CNTLN: variants seen among roughly 807,000 people sequenced by gnomAD.
CNTLN encodes the protein centlein, centrosomal protein.
Under a neutral mutation model 180.0 loss-of-function variants are expected in CNTLN, and 212 were observed. The ratio of observed to expected loss-of-function variants is 1.18; its 90% CI spans 1.05 to 1.32. The LOEUF (loss-of-function observed/expected upper bound fraction) is 1.32, where lower values mean the gene tolerates loss of function less well. Among genes scored for constraint, CNTLN ranks in the 40% most tolerant of loss-of-function variants. The pLI is 0.00. For synonymous variants in CNTLN, 722 were observed against 563.1 expected (o/e 1.28, Z -3.99); for missense variants, 2,095 against 1,610.9 (o/e 1.30, Z -5.14).
intron 23 of CNTLN, among the ~76,000 whole-genome samples, 192 bp from the exon 24 acceptor site, chr9:17,484,103 T>C (rs916981412): frequency 6.6e-6 from 1 of 152,146 alleles, no homozygotes; most frequent in African/African-American, 2.4e-5. Flanking sequence ...GTTGGTTAAG[T>C]ATTCATTGAA....
At chr9:17,430,485 G>A (rs1829352957) in intron 18 of CNTLN, among the ~76,000 whole-genome samples, 1 of 151,910 alleles carries the variant, frequency 6.6e-6, no homozygotes, top group African/African-American at 2.4e-5. Flanking sequence ...CATACAATGT[G>A]AATTGTATGC....
chr9:17,233,899 A>C (rs1028304851), intron 3 of CNTLN, among the ~76,000 whole-genome samples: 1 of 152,188 alleles, frequency 6.6e-6, no homozygotes, highest in African/African-American at 2.4e-5. Flanking sequence ...AAAGATAAGA[A>C]TCAGGGTTTC....
chr9:17,404,259 A>G (rs907208739), intron 15 of CNTLN, among the ~76,000 whole-genome samples: 2 of 151,674 alleles, frequency 1.3e-5, no homozygotes, highest in African/African-American at 4.9e-5. Flanking sequence ...CTAAACTGAG[A>G]GTTTATTATT....
At chr9:17,146,173 C>T (rs1818446893) in intron 2 of CNTLN, among the ~76,000 whole-genome samples, 1 of 152,154 alleles carries the variant, frequency 6.6e-6, no homozygotes, top group Non-Finnish European at 1.5e-5. Flanking sequence ...ATTTCAAAAC[C>T]TAAGATTTTC....
At chr9:17,150,667 T>C (rs187324090) in intron 2 of CNTLN, among the ~76,000 whole-genome samples, 252 of 152,282 alleles carry the variant, frequency 1.7e-3, no homozygotes, top group Non-Finnish European at 2.6e-3. Context: ...TTTAAAGTAG[T>C]TTTTTCCAAT....
Position 17,308,891 on chromosome 9 carries a change from A to T in CNTLN, c.1147-167A>T, listed in dbSNP as rs112106468. Among the ~76,000 whole-genome samples the T allele has an allele frequency of 0.037, 5,540 of 150,988 alleles. 168 individuals carry two copies. Among genetic ancestry groups the T allele is most frequent in the East Asian group, 0.17 (898 of 5,160 alleles). ...AAACATATTATTATATAAATTAGTT[A>T]TTTTTTGTGTTTATATCTTCTTTCT... On this transcript the variant is annotated intron_variant, in intron 7 of 25. Transcript: ENST00000380647.
intron 23 of CNTLN, among the ~76,000 whole-genome samples, chr9:17,468,848 G>A (rs1357798723): frequency 6.6e-6 from 1 of 151,610 alleles, no homozygotes; most frequent in African/African-American, 2.4e-5. Context: ...AATTATTCAA[G>A]GGTAATGTTA....
intron 18 of CNTLN, among the ~76,000 whole-genome samples, chr9:17,423,370 A>C (rs1828863252): frequency 6.6e-6 from 1 of 152,078 alleles, no homozygotes; most frequent in African/African-American, 2.4e-5. Context: ...AGGGCCTGGA[A>C]TCTGGGGCTT....
chr9:17,254,734 A>G (rs1563924151), intron 5 of CNTLN, among the ~76,000 whole-genome samples: 1 of 109,682 alleles, frequency 9.1e-6, no homozygotes, highest in African/African-American at 4.5e-5. Flanking sequence ...GAGTTCTCCA[A>G]TATTGTTGTT....
intron 14 of CNTLN, 52 bp downstream of exon 14, chr9:17,388,305 CA>C: frequency 1.7e-6 from 2 of 1,180,544 alleles, no homozygotes; most frequent in Non-Finnish European, 2.5e-6. Context: ...TGAATTTTAA[CA>C]TAAAGGATTA....
rs190462211 is a variant in CNTLN at position 17,155,283 on chromosome 9, A to G, written c.449+11907A>G. On this transcript the variant is annotated intron_variant, in intron 2 of 25. Coordinates refer to ENST00000380647, the MANE Select transcript of CNTLN (RefSeq NM_017738.4). ...AGAAGGAACCAATTCCGGACACAGTATCTCCTAGTCAGTATACATGGGAGT... is the reference window on the plus strand; with the variant it reads ...AGAAGGAACCAATTCCGGACACAGTGTCTCCTAGTCAGTATACATGGGAGT... 3.9e-4 allele frequency among the ~76,000 whole-genome samples: 60 copies of G among 152,348 alleles called. No individual in the cohort carries two copies. In the East Asian group the frequency reaches 0.01, roughly 25 times the overall value.
At chr9:17,486,204 T>C (rs945266491) in intron 24 of CNTLN, among the ~76,000 whole-genome samples, 1 of 152,180 alleles carries the variant, frequency 6.6e-6, no homozygotes, top group African/African-American at 2.4e-5. Context: ...CTGATTTATG[T>C]TCTTTACACT....
chr9:17,224,127 G>A (rs182769720), intron 2 of CNTLN, among the ~76,000 whole-genome samples: 1 of 152,044 alleles, frequency 6.6e-6, no homozygotes, highest in Admixed American at 6.6e-5. Context: ...CTCTAGGACT[G>A]GGAATTCCTT....
chr9:17,166,593 A>T (rs1820084836), intron 2 of CNTLN, among the ~76,000 whole-genome samples: 1 of 152,160 alleles, frequency 6.6e-6, no homozygotes. Context: ...AACCTCTTAG[A>T]GGGGAAAAAA....
chr9:17,235,098 A>C (rs1481203963), intron 3 of CNTLN, among the ~76,000 whole-genome samples: 2 of 152,164 alleles, frequency 1.3e-5, no homozygotes, highest in East Asian at 3.9e-4. Flanking sequence ...GGGTACATCC[A>C]CCTCGTAGGT....
intron 2 of CNTLN, among the ~76,000 whole-genome samples, chr9:17,183,966 A>G (rs1299869116): frequency 6.6e-6 from 1 of 152,124 alleles, no homozygotes; most frequent in East Asian, 1.9e-4. Flanking sequence ...GAACCAGTCA[A>G]GTGTAAAGTA....
intron 5 of CNTLN, among the ~76,000 whole-genome samples, chr9:17,251,504 T>A (rs1406801088): frequency 6.6e-6 from 1 of 151,880 alleles, no homozygotes; most frequent in Non-Finnish European, 1.5e-5. Context: ...TTACTTTTTG[T>A]GCTGAAATCT....
At chr9:17,241,164 G>A (rs1056954550) in intron 5 of CNTLN, among the ~76,000 whole-genome samples, 1 of 152,096 alleles carries the variant, frequency 6.6e-6, no homozygotes, top group Non-Finnish European at 1.5e-5. Flanking sequence ...AGCCTGCAGT[G>A]TTTTCTTTTA....
At chr9:17,328,914 A>T (rs1820471990) in intron 8 of CNTLN, among the ~76,000 whole-genome samples, 1 of 151,904 alleles carries the variant, frequency 6.6e-6, no homozygotes, top group African/African-American at 2.4e-5. Context: ...ATCAGTAGAA[A>T]TATTAAAAAT....
Sources: gnomAD v4.1 joint callset for allele counts (sites outside exome capture counted in the v4.1 genomes callset) on GRCh38, gnomAD v4.1.1 for gene constraint, MANE v1.5 for transcripts, NCBI Gene and HGNC (gene_info 2026-07-23, HGNC 2026-07-21) for gene names.